The following PRELID2 variants were observed in gnomAD, a reference collection of about 807,000 sequenced individuals.
PRELID2 encodes PRELI domain-containing protein 2.
In PRELID2, 25 loss-of-function variants were observed where a neutral mutation model predicts 28.4. The ratio of observed to expected loss-of-function variants is 0.88; its 90% CI spans 0.64 to 1.23. The LOEUF (loss-of-function observed/expected upper bound fraction) is 1.23, where lower values mean the gene tolerates loss of function less well. Among genes scored for constraint, PRELID2 ranks in the 50% most tolerant of loss-of-function variants. The pLI is 0.00. For synonymous variants in PRELID2, 76 were observed against 71.6 expected (o/e 1.06, Z -0.31); for missense variants, 201 against 214.4 (o/e 0.94, Z 0.39).
intron 1 of PRELID2, among the ~76,000 whole-genome samples, chr5:145,541,271 T>G (rs1310515300): frequency 1.3e-5 from 2 of 152,240 alleles, no homozygotes; most frequent in East Asian, 1.9e-4. Flanking sequence ...AACTAATATA[T>G]ATAGTTTAGT....
At chr5:145,669,241 C>A (rs982028163) in intron 1 of PRELID2, among the ~76,000 whole-genome samples, 2 of 152,054 alleles carry the variant, frequency 1.3e-5, no homozygotes, top group African/African-American at 4.8e-5. Context: ...AATAGCAGAT[C>A]GGCTCTTTGT....
intron 1 of PRELID2, among the ~76,000 whole-genome samples, chr5:145,729,520 C>G (rs1756274256): frequency 6.6e-6 from 1 of 151,816 alleles, no homozygotes; most frequent in Non-Finnish European, 1.5e-5. Context: ...GGTCTTACAC[C>G]CCATGCCTCA....
the PRELID2 span, among the ~76,000 whole-genome samples, chr5:145,350,482 G>C: frequency 6.6e-6 from 1 of 152,180 alleles, no homozygotes; most frequent in Non-Finnish European, 1.5e-5. Flanking sequence ...CTAGCCTGTA[G>C]TGAGACCAAA....
chr5:145,662,699 C>G (rs1754517562), intron 1 of PRELID2, among the ~76,000 whole-genome samples: 1 of 152,020 alleles, frequency 6.6e-6, no homozygotes, highest in Non-Finnish European at 1.5e-5. Flanking sequence ...GAAGAGAAAT[C>G]TGAGCTAGCA....
the PRELID2 span, among the ~76,000 whole-genome samples, chr5:145,378,594 A>T: frequency 6.6e-6 from 1 of 152,112 alleles, no homozygotes; most frequent in Non-Finnish European, 1.5e-5. Flanking sequence ...AATACTTGTA[A>T]TTGCACTATG....
intron 1 of PRELID2, among the ~76,000 whole-genome samples, chr5:145,650,984 G>A (rs1215034547): frequency 1.3e-5 from 2 of 152,144 alleles, no homozygotes; most frequent in Non-Finnish European, 2.9e-5. Flanking sequence ...GAAGCACAAA[G>A]GGTCAGGGAA....
intron 1 of PRELID2, among the ~76,000 whole-genome samples, chr5:145,742,167 T>G (rs1352991887): frequency 8.7e-6 from 1 of 114,294 alleles, no homozygotes; most frequent in Non-Finnish European, 1.7e-5. Context: ...ATAAATTTAT[T>G]TATTAATTAT....
At chr5:145,614,540 T>G (rs1204655549) in intron 1 of PRELID2, among the ~76,000 whole-genome samples, 2 of 152,088 alleles carry the variant, frequency 1.3e-5, no homozygotes, top group Non-Finnish European at 2.9e-5. Flanking sequence ...TTCAGCTCCT[T>G]GGTTAGGGGT....
In PRELID2 at chr5:145,599,093, G is replaced by C. The variant is rs540605321; in HGVS notation, n.71-125778C>G. 2.0e-4 allele frequency among the ~76,000 whole-genome samples: 31 copies of C among 152,250 alleles called. No homozygotes were observed. The South Asian group carries it at 6.4e-3, about 32-fold the overall frequency. On this transcript the variant is annotated intron_variant and non_coding_transcript_variant, in intron 1 of 2. Transcript: ENST00000510259. ...GTTGTGGGACCGAAAGAGCTGCGAA[G>C]GTGGTCATTAACTTGCTAGCAGAGA... is the stretch of plus-strand genomic sequence containing the variant.
chr5:145,420,160 A>G, the PRELID2 span, among the ~76,000 whole-genome samples: 1 of 152,076 alleles, frequency 6.6e-6, no homozygotes, highest in South Asian at 2.1e-4. Context: ...GAAGTCAGGT[A>G]GTGTGATGCC....
chr5:145,385,580 C>T, the PRELID2 span, among the ~76,000 whole-genome samples: 15 of 152,222 alleles, frequency 9.9e-5, no homozygotes, highest in South Asian at 2.1e-4. Flanking sequence ...CAAATTTTTG[C>T]AACTCATACA....
the PRELID2 span, among the ~76,000 whole-genome samples, chr5:145,298,567 A>C: frequency 6.6e-6 from 1 of 152,152 alleles, no homozygotes; most frequent in Non-Finnish European, 1.5e-5. Context: ...AGGTGGGATT[A>C]CTGCCATCAT....
intron 1 of PRELID2, among the ~76,000 whole-genome samples, chr5:145,713,459 TTA>T (rs571563441): frequency 6.9e-5 from 10 of 144,160 alleles, no homozygotes; most frequent in Non-Finnish European, 1.5e-4. Context: ...TATGTATACT[TTA>T]TATATATATA....
At chr5:145,237,999 G>C in the PRELID2 span, among the ~76,000 whole-genome samples, 9 of 151,928 alleles carry the variant, frequency 5.9e-5, no homozygotes, top group Admixed American at 1.3e-4. Context: ...GGCTGGAACG[G>C]GGCATATTTC....
chr5:145,289,121 C>T, the PRELID2 span, among the ~76,000 whole-genome samples: 332 of 151,422 alleles, frequency 2.2e-3, 2 homozygotes, highest in African/African-American at 7.8e-3. Flanking sequence ...CTATCCTGGG[C>T]TCCCCTAATC....
the PRELID2 span, among the ~76,000 whole-genome samples, chr5:145,331,699 C>T: frequency 2.0e-5 from 3 of 152,064 alleles, no homozygotes; most frequent in Admixed American, 6.6e-5. Flanking sequence ...ATACAGCACA[C>T]TGATGGGTCT....
At chr5:145,391,626 C>G in the PRELID2 span, among the ~76,000 whole-genome samples, 5 of 152,074 alleles carry the variant, frequency 3.3e-5, no homozygotes, top group African/African-American at 4.8e-5. Context: ...ACATTCAACT[C>G]CTCATTACTT....
chr5:145,817,236 T>TATATATATATATAC (rs1358205146), intron 4 of PRELID2, among the ~76,000 whole-genome samples: 19 of 128,114 alleles, frequency 1.5e-4, no homozygotes, highest in Non-Finnish European at 2.6e-4. Context: ...TATATATATA[T>TATATATATATATAC]ACTTTAGATA....
chr5:145,260,456 G>A, the PRELID2 span, among the ~76,000 whole-genome samples: 1 of 152,120 alleles, frequency 6.6e-6, no homozygotes, highest in East Asian at 1.9e-4. Context: ...ATTGTCAGTC[G>A]ACTTACATAA....
Sources: allele counts gnomAD v4.1 joint callset (sites outside exome capture counted in the v4.1 genomes callset), GRCh38; gene constraint gnomAD v4.1.1; transcripts MANE v1.5; gene names NCBI Gene and HGNC (gene_info 2026-07-23, HGNC 2026-07-21).